ADAMTS18: variants seen among roughly 807,000 people sequenced by gnomAD.
The protein encoded by ADAMTS18 is A disintegrin and metalloproteinase with thrombospondin motifs 18.
ADAMTS18 carries 157 observed loss-of-function variants against 165.9 expected under a neutral mutation model. That is an observed-to-expected ratio of 0.95 (90% confidence interval 0.83 to 1.08). The LOEUF is 1.08. ADAMTS18 is among the 50% of genes least tolerant of loss of function. The pLI is 0.00. For synonymous variants in ADAMTS18, 782 were observed against 578.2 expected (o/e 1.35, Z -5.06); for missense variants, 2,040 against 1,534.0 (o/e 1.33, Z -5.51).
At position 77,286,578 on chromosome 16, in the gene ADAMTS18, T is replaced by G. The variant is rs570289328; in HGVS notation, c.3551-2507A>C. Among the ~76,000 whole-genome samples, 4 of 151,980 alleles carry G rather than the reference T, an allele frequency of 2.6e-5. No individual in the cohort carries two copies. The South Asian group carries it at 8.3e-4, about 31-fold the overall frequency. On this transcript the variant is annotated intron_variant, in intron 22 of 22. Transcript: ENST00000282849. ...AGTTCAAAACTTGCTCAAAGCTCCATAGCTAGCTCCATAGCTACTGAGTGT... is the reference window on the plus strand; with the variant it reads ...AGTTCAAAACTTGCTCAAAGCTCCAGAGCTAGCTCCATAGCTACTGAGTGT...
intron 3 of ADAMTS18, among the ~76,000 whole-genome samples, chr16:77,415,374 A>C (rs1457798815): frequency 6.6e-6 from 1 of 152,210 alleles, no homozygotes; most frequent in African/African-American, 2.4e-5. Flanking sequence ...AGAGGGGTTT[A>C]TGCATAAGAT....
chr16:77,301,643 A>G (rs2055584813), intron 16 of ADAMTS18, among the ~76,000 whole-genome samples: 1 of 152,176 alleles, frequency 6.6e-6, no homozygotes, highest in African/African-American at 2.4e-5. Context: ...CCTCCATTAG[A>G]GTTTGGTGGG....
At chr16:77,362,015 G>A in intron 7 of ADAMTS18, 90 bp downstream of exon 7, 2 of 1,392,804 alleles carry the variant, frequency 1.4e-6, no homozygotes, top group Non-Finnish European at 1.0e-6. Context: ...TGTTTATTAA[G>A]GAACATAAGG....
intron 16 of ADAMTS18, among the ~76,000 whole-genome samples, chr16:77,319,064 T>C (rs1295698459): frequency 6.6e-6 from 1 of 152,146 alleles, no homozygotes; most frequent in Non-Finnish European, 1.5e-5. Context: ...TTTTTTTACC[T>C]TTTTTCCCTT....
At chr16:77,346,481 T>C (rs2050250367) in intron 10 of ADAMTS18, among the ~76,000 whole-genome samples, 1 of 152,062 alleles carries the variant, frequency 6.6e-6, no homozygotes, top group South Asian at 2.1e-4. Context: ...AAAAAAATAA[T>C]AACATGAAAG....
chr16:77,376,558 C>G (rs1014881743), intron 3 of ADAMTS18, among the ~76,000 whole-genome samples: 1 of 152,162 alleles, frequency 6.6e-6, no homozygotes, highest in East Asian at 1.9e-4. Context: ...GTTGCGCCCG[C>G]TACTGGACTC....
At chr16:77,288,532 T>C (rs2055299809) in intron 22 of ADAMTS18, among the ~76,000 whole-genome samples, 1 of 152,174 alleles carries the variant, frequency 6.6e-6, no homozygotes, top group Non-Finnish European at 1.5e-5. Flanking sequence ...TCCATTTTCC[T>C]ATCAGTACTC....
intron 3 of ADAMTS18, among the ~76,000 whole-genome samples, chr16:77,408,314 G>C (rs892650013): frequency 6.6e-6 from 1 of 152,098 alleles, no homozygotes; most frequent in African/African-American, 2.4e-5. Context: ...AGCTGAATTT[G>C]CACATGCTAG....
chr16:77,400,809 C>A (rs569432962), intron 3 of ADAMTS18, among the ~76,000 whole-genome samples: 3 of 152,100 alleles, frequency 2.0e-5, no homozygotes, highest in Admixed American at 6.6e-5. Context: ...ATTTAACTCA[C>A]AGTGCCCTCA....
intron 3 of ADAMTS18, among the ~76,000 whole-genome samples, chr16:77,386,520 A>G (rs191228016): frequency 2.2e-4 from 34 of 152,332 alleles, no homozygotes; most frequent in Admixed American, 1.5e-3. Context: ...GCTGGGCAGC[A>G]GCTAGAGAGT....
intron 6 of ADAMTS18, among the ~76,000 whole-genome samples, chr16:77,363,424 C>T (rs2562118): frequency 6.6e-6 from 1 of 151,914 alleles, no homozygotes; most frequent in East Asian, 1.9e-4. Context: ...ATCAAACTTG[C>T]AAAATCTAGC....
intron 3 of ADAMTS18, among the ~76,000 whole-genome samples, chr16:77,420,002 TAAAA>T (rs34486248): frequency 1.1e-5 from 1 of 91,284 alleles, no homozygotes. Context: ...TGTCGCAGAT[TAAAA>T]AAAAAAAAAA....
At chr16:77,287,854 C>T (rs1405081215) in intron 22 of ADAMTS18, among the ~76,000 whole-genome samples, 1 of 152,198 alleles carries the variant, frequency 6.6e-6, no homozygotes, top group Non-Finnish European at 1.5e-5. Flanking sequence ...CTGACCATCA[C>T]TGTAACACTG....
intron 5 of ADAMTS18, 142 bp downstream of exon 5, chr16:77,364,046 A>T: frequency 7.8e-7 from 1 of 1,279,286 alleles, no homozygotes; most frequent in Non-Finnish European, 1.1e-6. Context: ...ATAAAACCAC[A>T]TATGTAGCTA....
intron 3 of ADAMTS18, among the ~76,000 whole-genome samples, chr16:77,414,586 C>T (rs1265765353): frequency 6.6e-6 from 1 of 152,100 alleles, no homozygotes; most frequent in African/African-American, 2.4e-5. Flanking sequence ...TATATTTCTA[C>T]TGTACAGCGC....
chr16:77,385,736 G>A (rs1477050658), intron 3 of ADAMTS18, among the ~76,000 whole-genome samples: 1 of 152,202 alleles, frequency 6.6e-6, no homozygotes, highest in Non-Finnish European at 1.5e-5. Flanking sequence ...ATGATTGACA[G>A]GACTTCCCAA....
chr16:77,404,447 A>G (rs1033094184), intron 3 of ADAMTS18, among the ~76,000 whole-genome samples: 6 of 152,158 alleles, frequency 3.9e-5, no homozygotes, highest in African/African-American at 7.2e-5. Flanking sequence ...GTTCTTCTCT[A>G]TAAGTCTGCA....
chr16:77,356,114 G>T (rs1283395849), intron 8 of ADAMTS18, 37 bp from the exon 9 acceptor site: 2 of 1,613,676 alleles, frequency 1.2e-6, no homozygotes, highest in African/African-American at 1.3e-5. Context: ...CCTGCTTTGT[G>T]AACCCATTTT....
chr16:77,394,975 C>G (rs1183819450), intron 3 of ADAMTS18, among the ~76,000 whole-genome samples: 1 of 152,160 alleles, frequency 6.6e-6, no homozygotes, highest in Non-Finnish European at 1.5e-5. Flanking sequence ...TCTAGGCTCT[C>G]AACATGCAGA....
Sources: gnomAD v4.1 joint callset for allele counts (sites outside exome capture counted in the v4.1 genomes callset) on GRCh38, gnomAD v4.1.1 for gene constraint, MANE v1.5 for transcripts, NCBI Gene and HGNC (gene_info 2026-07-23, HGNC 2026-07-21) for gene names.